The following VPS8 variants were observed in gnomAD, a reference collection of about 807,000 sequenced individuals.
VPS8 encodes VPS8 subunit of CORVET complex, also known as vacuolar protein sorting-associated protein 8 homolog.
Under a neutral mutation model 216.4 loss-of-function variants are expected in VPS8, and 129 were observed. The observed-to-expected ratio is 0.60, with a 90% CI of 0.52 to 0.69. VPS8 has a LOEUF of 0.69. Among genes scored for constraint, VPS8 ranks in the 30% least tolerant of loss-of-function variants. The pLI is 0.00. For synonymous variants in VPS8, 571 were observed against 565.4 expected (o/e 1.01, Z -0.14); for missense variants, 1,531 against 1,683.5 (o/e 0.91, Z 1.59).
At chr3:184,829,693 TTCTG>T (rs1268828701) in intron 3 of VPS8, among the ~76,000 whole-genome samples, 1 of 152,236 alleles carries the variant, frequency 6.6e-6, no homozygotes, top group Non-Finnish European at 1.5e-5. Context: ...GTTTGAATTT[TTCTG>T]TCTTTTTCAC....
chr3:184,909,448 G>T (rs892735715), intron 25 of VPS8, among the ~76,000 whole-genome samples: 2 of 152,092 alleles, frequency 1.3e-5, no homozygotes, highest in African/African-American at 4.8e-5. Context: ...GTTCTGTTTG[G>T]TCTTTTTTCC....
chr3:184,931,305 A>G (rs1740636051), intron 34 of VPS8, among the ~76,000 whole-genome samples: 1 of 152,142 alleles, frequency 6.6e-6, no homozygotes, highest in Non-Finnish European at 1.5e-5. Context: ...ATGATTGAAA[A>G]AAAGTAGTAA....
intron 42 of VPS8, among the ~76,000 whole-genome samples, chr3:184,991,664 A>C (rs940790687): frequency 3.9e-5 from 6 of 152,192 alleles, no homozygotes; most frequent in African/African-American, 1.4e-4. Context: ...GATTTTTCTA[A>C]TAAGATATTG....
At chr3:185,015,558 C>A (rs564023950) in intron 45 of VPS8, among the ~76,000 whole-genome samples, 1 of 152,296 alleles carries the variant, frequency 6.6e-6, no homozygotes, top group South Asian at 2.1e-4. Flanking sequence ...AGAAGCTTTA[C>A]CATTACTAGA....
intron 37 of VPS8, among the ~76,000 whole-genome samples, chr3:184,961,378 A>C (rs1369882627): frequency 1.3e-5 from 2 of 152,220 alleles, no homozygotes; most frequent in East Asian, 3.8e-4. Flanking sequence ...CATACTTTTA[A>C]AAATGTTTAA....
chr3:185,027,692 C>A (rs955243312), intron 46 of VPS8, among the ~76,000 whole-genome samples: 6 of 152,246 alleles, frequency 3.9e-5, no homozygotes, highest in African/African-American at 1.4e-4. Flanking sequence ...GTTCTGCAAC[C>A]TATTTTTCAA....
At chr3:184,873,252 CAT>C (rs1470461363) in intron 21 of VPS8, among the ~76,000 whole-genome samples, 3 of 152,008 alleles carry the variant, frequency 2.0e-5, no homozygotes, top group African/African-American at 7.2e-5. Flanking sequence ...AGATGGGACT[CAT>C]ATCCAGGTCT....
chr3:184,917,685 C>G (rs760786211), intron 28 of VPS8, among the ~76,000 whole-genome samples: 3 of 152,200 alleles, frequency 2.0e-5, no homozygotes, highest in Non-Finnish European at 2.9e-5. Context: ...GGATTAGAGG[C>G]GTAAGCCACC....
At chr3:184,992,352 A>G (rs1371520201) in intron 42 of VPS8, among the ~76,000 whole-genome samples, 2 of 152,152 alleles carry the variant, frequency 1.3e-5, no homozygotes, top group Non-Finnish European at 2.9e-5. Context: ...TTACTTACCT[A>G]TGTTAGAAAC....
chr3:184,945,144 CCT>C (rs1211443039), intron 36 of VPS8, among the ~76,000 whole-genome samples: 1 of 151,150 alleles, frequency 6.6e-6, no homozygotes, highest in Middle Eastern at 3.4e-3. Flanking sequence ...CCAGTCAGCT[CCT>C]CTCTCTCTTT....
At chr3:185,010,027 G>C (rs74823827) in intron 45 of VPS8, among the ~76,000 whole-genome samples, 7,845 of 144,616 alleles carry the variant, frequency 0.054, 232 homozygotes, top group Non-Finnish European at 0.064. Flanking sequence ...AAAAGGATTA[G>C]ATTGAACAAT....
At chr3:184,841,456 C>T (rs1049054674) in intron 7 of VPS8, among the ~76,000 whole-genome samples, 7 of 152,136 alleles carry the variant, frequency 4.6e-5, no homozygotes, top group African/African-American at 1.7e-4. Flanking sequence ...TCCTAATTTA[C>T]TTAATCATTT....
At chr3:184,973,131 ACTGT>A (rs1284552725) in intron 40 of VPS8, among the ~76,000 whole-genome samples, 1 of 152,212 alleles carries the variant, frequency 6.6e-6, no homozygotes, top group Non-Finnish European at 1.5e-5. Flanking sequence ...ATTAAAAGAA[ACTGT>A]CTGTGAAATG....
chr3:184,857,275 C>G (rs1393519075), intron 14 of VPS8, among the ~76,000 whole-genome samples: 1 of 152,220 alleles, frequency 6.6e-6, no homozygotes, highest in Non-Finnish European at 1.5e-5. Flanking sequence ...ATCTGGCCAG[C>G]CGTCTGTTTT....
At chr3:184,815,632 G>A (rs1211423789) in intron 1 of VPS8, among the ~76,000 whole-genome samples, 1 of 152,084 alleles carries the variant, frequency 6.6e-6, no homozygotes, top group African/African-American at 2.4e-5. Flanking sequence ...AATGTGATGT[G>A]CCTACTCTTC....
intron 16 of VPS8, among the ~76,000 whole-genome samples, chr3:184,866,044 C>T (rs905962680): frequency 2.0e-5 from 3 of 151,892 alleles, no homozygotes; most frequent in Non-Finnish European, 4.4e-5. Flanking sequence ...AGTTCTACTC[C>T]TAGGTGTGTT....
chr3:184,844,588 T>C (rs990483751), intron 8 of VPS8, among the ~76,000 whole-genome samples: 2 of 152,202 alleles, frequency 1.3e-5, no homozygotes, highest in Admixed American at 6.5e-5. Context: ...TTTTGGTATA[T>C]GGAAAGAGTT....
chr3:185,007,993 G>T (rs1754493189), intron 45 of VPS8, among the ~76,000 whole-genome samples: 1 of 151,730 alleles, frequency 6.6e-6, no homozygotes, highest in Non-Finnish European at 1.5e-5. Flanking sequence ...CATTTAAAAA[G>T]AATATTAGCT....
intron 21 of VPS8, among the ~76,000 whole-genome samples, chr3:184,878,552 AAG>A (rs1393554081): frequency 3.3e-5 from 5 of 152,216 alleles, no homozygotes; most frequent in African/African-American, 1.2e-4. Context: ...GGTAATGTCA[AAG>A]AGTGGACAGT....
Sources: allele counts gnomAD v4.1 joint callset (sites outside exome capture counted in the v4.1 genomes callset), GRCh38; gene constraint gnomAD v4.1.1; transcripts MANE v1.5; gene names NCBI Gene and HGNC (gene_info 2026-07-23, HGNC 2026-07-21).